Variants in ATP2A2 observed in about 807,000 individuals in gnomAD.
ATP2A2 encodes ATPase sarcoplasmic/endoplasmic reticulum Ca2+ transporting 2, also known as sarcoplasmic/endoplasmic reticulum calcium ATPase 2.
A neutral mutation model predicts 109.3 loss-of-function variants in ATP2A2; 14 were observed. That is an observed-to-expected ratio of 0.13 (90% CI 0.08 to 0.20). ATP2A2 has a LOEUF of 0.20. ATP2A2 is among the 10% of genes least tolerant of loss of function. ATP2A2 has a pLI of 1.00. For synonymous variants in ATP2A2, 506 were observed against 490.9 expected, an observed-to-expected ratio of 1.03 and a Z score of -0.41; for missense variants, 657 against 1,321.6, an observed-to-expected ratio of 0.50 and a Z score of 7.80.
intron 11 of ATP2A2, among the ~76,000 whole-genome samples, chr12:110,338,521 A>C (rs990428324): frequency 1.3e-5 from 2 of 152,126 alleles, no homozygotes; most frequent in Admixed American, 6.5e-5. Context: ...GAAGTGGCGC[A>C]ATCTCATCTC....
Position 110,340,913 on chromosome 12 carries a change from C to T in ATP2A2, c.2016C>T (p.Ala672=), listed in dbSNP as rs1182651470. ...CCCAGCGAGACGCCTGCCTGAACGC[C>T]CGCTGTTTTGCTCGAGTTGAACCCT... ...PSAQRDACLN[A]RCFARVEPSH... The change falls in exon 14 of 20, where the codon GCC becomes GCT. Residue 672 remains alanine, a synonymous_variant. Coordinates refer to ENST00000539276, the MANE Select transcript of ATP2A2 (RefSeq NM_170665.4). This position sits in a 1 kb window ranked among gnomAD's most constrained non-coding sequence, Gnocchi z 6.0. 2 of 1,614,074 alleles carry T rather than the reference C, an allele frequency of 1.2e-6. No homozygotes were observed. The highest frequency in any genetic ancestry group is 2.2e-5 in the East Asian group (1 of 44,894).
intron 5 of ATP2A2, among the ~76,000 whole-genome samples, chr12:110,311,087 A>G (rs1875983179): frequency 6.6e-6 from 1 of 152,238 alleles, no homozygotes; most frequent in Admixed American, 6.5e-5. Flanking sequence ...CCATGAGTCC[A>G]TGTGGACTTT....
At chr12:110,318,531 T>C (rs1349931338) in intron 5 of ATP2A2, among the ~76,000 whole-genome samples, 1 of 152,046 alleles carries the variant, frequency 6.6e-6, no homozygotes, top group African/African-American at 2.4e-5. Flanking sequence ...CAGGCTGGAG[T>C]GGCGCAACTT....
intron 6 of ATP2A2, among the ~76,000 whole-genome samples, chr12:110,324,426 A>AT (rs1192467015): frequency 2.0e-3 from 292 of 146,916 alleles, no homozygotes; most frequent in South Asian, 6.7e-3. Flanking sequence ...TTTAAAAAAA[A>AT]TTTTTTTTTT....
At position 110,342,835 on chromosome 12, in the gene ATP2A2, C is replaced by T. The variant is rs1879483852; in HGVS notation, c.2318+387C>T. On this transcript the variant is annotated intron_variant, in intron 15 of 19. Transcript: ENST00000539276. The surrounding 1 kb of genome is among the most constrained non-coding windows in gnomAD (Gnocchi z 4.6). ...CAGTGGCACGATCTCAGCTCACTGT[C>T]CCCTCCACCTCCTGGGTTCAAGCCT... 6.6e-6 allele frequency among the ~76,000 whole-genome samples: 1 copy of T among 152,106 alleles called. No homozygotes were observed. Among genetic ancestry groups the T allele is most frequent in the South Asian group, 2.1e-4 (1 of 4,820 alleles).
rs1879138571 is a variant in ATP2A2, at chr12:110,339,355, T to C, written c.1494T>C (p.Cys498=). Residue 498 remains cysteine (C), a synonymous_variant, in exon 12 of 20, where the codon TGT becomes TGC. Transcript: ENST00000539276. This position sits in a 1 kb window ranked among gnomAD's most constrained non-coding sequence, Gnocchi z 4.4. ...SRDRKSMSVY[C]TPNKPSRTSM... ...ACAGAAAGTCAATGTCGGTTTACTG[T>C]ACACCAAATAAACCAAGCAGGACAT... 6.2e-7 allele frequency: 1 copy of C among 1,614,038 alleles called. No individual in the cohort carries two copies. Among genetic ancestry groups the C allele is most frequent in the Non-Finnish European group, 8.5e-7 (1 of 1,180,030 alleles).
chr12:110,309,583 A>G (rs1257058976), intron 5 of ATP2A2, among the ~76,000 whole-genome samples: 1 of 152,166 alleles, frequency 6.6e-6, no homozygotes, highest in African/African-American at 2.4e-5. Flanking sequence ...TGAAATTGAT[A>G]TGGCAAATAA....
Position 110,327,490 on chromosome 12 carries a change from G to A in ATP2A2, c.631-63G>A. On this transcript the variant is annotated intron_variant, in intron 7 of 19. Transcript: ENST00000539276. This position sits in a 1 kb window ranked among gnomAD's most constrained non-coding sequence, Gnocchi z 4.4. ...ATCTGGGTGCCCTAGTCAAAAACCA[G>A]CGTCGGTATTTAAGTTGGGATGTGG... 1 of 1,497,182 alleles carries A rather than the reference G, an allele frequency of 6.7e-7. No individual in the cohort carries two copies. Among genetic ancestry groups the A allele is most frequent in the Non-Finnish European group, 9.3e-7 (1 of 1,073,748 alleles). The allele number at this position is 1,497,182 out of a possible 1,614,324, so 92.7% of individuals were successfully genotyped here.
At position 110,350,223 on chromosome 12, in the gene ATP2A2, T is replaced by TTAAA. The variant is rs949913737; in HGVS notation, c.*3756_*3759dup. On this transcript the variant is annotated 3_prime_UTR_variant, in exon 20 of 20. Transcript: ENST00000539276. ...TCTGTCGCTGTTGATCTTCATCTAT[T>TTAAA]TAAATAGGTATTCTAACGTTTCCTC... The TTAAA allele has an allele frequency of 1.2e-6, 2 of 1,613,976 alleles. No individual in the cohort carries two copies. The highest frequency in any genetic ancestry group is 2.7e-5 in the African/African-American group (2 of 74,936).
At chr12:110,331,837 C>T (rs1230558639) in intron 8 of ATP2A2, 1 of 152,070 alleles carries the variant, frequency 6.6e-6, no homozygotes, top group Non-Finnish European at 1.5e-5. Context: ...CTTACTTTTC[C>T]AAACTGGGCT....
At chr12:110,309,138 T>C (rs1875701032) in intron 5 of ATP2A2, among the ~76,000 whole-genome samples, 1 of 129,542 alleles carries the variant, frequency 7.7e-6, no homozygotes, top group Non-Finnish European at 1.6e-5. Context: ...TTAAGGAAAC[T>C]AATTTTTTTT....
intron 17 of ATP2A2, 105 bp downstream of exon 17, chr12:110,345,076 A>G (rs1879716069): frequency 6.0e-6 from 9 of 1,493,602 alleles, no homozygotes; most frequent in Non-Finnish European, 4.7e-6. Flanking sequence ...CTCAGACAAT[A>G]AACAGTTACA....
At chr12:110,311,686 A>G (rs1404456948) in intron 5 of ATP2A2, among the ~76,000 whole-genome samples, 1 of 150,888 alleles carries the variant, frequency 6.6e-6, no homozygotes, top group Non-Finnish European at 1.5e-5. Flanking sequence ...GGGCCACAAC[A>G]ATCTCTGTAC....
intron 5 of ATP2A2, among the ~76,000 whole-genome samples, chr12:110,313,705 C>CTTTTTTT (rs137984643): frequency 8.9e-6 from 1 of 111,904 alleles, no homozygotes; most frequent in South Asian, 3.1e-4. Context: ...GATAATGGAA[C>CTTTTTTT]TTTTTTTTTT....
chr12:110,345,989 C>T lies in ATP2A2; in HGVS notation c.2742-12C>T, dbSNP rs1446609580. ...TTGGGGGTGCGTTTCCCCACCTCTC[C>T]TTGCTCTGCAGCTTGTCCGAAAACC... On this transcript the variant is annotated splice_polypyrimidine_tract_variant and intron_variant, in intron 18 of 19. Transcript: ENST00000539276. 3.1e-6 allele frequency: 5 copies of T among 1,613,938 alleles called. No homozygotes were observed. Among genetic ancestry groups the T allele is most frequent in the African/African-American group, 1.3e-5 (1 of 74,936 alleles).
intron 7 of ATP2A2, among the ~76,000 whole-genome samples, chr12:110,326,806 A>G (rs1877848230): frequency 6.6e-6 from 1 of 152,232 alleles, no homozygotes; most frequent in Non-Finnish European, 1.5e-5. Context: ...TGCTATTTGT[A>G]TGTGGTTCAC....
chr12:110,348,096 A>C lies in ATP2A2; in HGVS notation c.*1626A>C. ...CATTTCAGCCAGACCAACAGGCTGA[A>C]GGAGCTGTGCAGACTATTGCTAAAA... On this transcript the variant is annotated 3_prime_UTR_variant, in exon 20 of 20. Coordinates refer to ENST00000539276, the MANE Select transcript of ATP2A2 (RefSeq NM_170665.4). 1.0e-6 allele frequency: 1 copy of C among 986,436 alleles called. No individual in the cohort carries two copies. The highest frequency in any genetic ancestry group is 1.2e-6 in the Non-Finnish European group (1 of 830,644). 61.1% of individuals were successfully genotyped at this position (986,436 alleles called of 1,614,324 possible).
chr12:110,344,782 C>T (rs1879683258), intron 16 of ATP2A2, 104 bp from the exon 17 acceptor site: 2 of 1,131,936 alleles, frequency 1.8e-6, no homozygotes, highest in South Asian at 1.3e-5. Context: ...CCATCACTGT[C>T]CCATGTCTTT....
At chr12:110,304,019 A>G (rs1353459987) in intron 5 of ATP2A2, among the ~76,000 whole-genome samples, 3 of 152,142 alleles carry the variant, frequency 2.0e-5, no homozygotes. Flanking sequence ...TGACAACCAC[A>G]GTTTATTATC....
Sources: gnomAD v4.1 joint callset for allele counts (sites outside exome capture counted in the v4.1 genomes callset) on GRCh38, gnomAD v4.1.1 for gene constraint, Gnocchi (gnomAD v3.1) non-coding constraint, MANE v1.5 for transcripts, NCBI Gene and HGNC (gene_info 2026-07-23, HGNC 2026-07-21) for gene names.